PAN3: variants seen among roughly 807,000 people sequenced by gnomAD.
PAN3 encodes the protein PAN2-PAN3 deadenylation complex subunit PAN3.
PAN3 carries 19 observed loss-of-function variants against 96.2 expected under a neutral mutation model. The observed-to-expected ratio is 0.20, with a 90% CI of 0.14 to 0.29. PAN3 has a LOEUF of 0.29. Among genes scored for constraint, PAN3 ranks in the 10% least tolerant of loss-of-function variants. The probability of loss-of-function intolerance (pLI) is 1.00; values close to 1 mark genes in which losing one functional copy is unlikely to be tolerated. For missense variants in PAN3, 882 were observed against 1,108.1 expected, an observed-to-expected ratio of 0.80 and a Z score of 2.90; for synonymous variants, 433 against 406.6, an observed-to-expected ratio of 1.06 and a Z score of -0.78.
At chr13:28,142,619 C>T (rs907822441) in intron 1 of PAN3, among the ~76,000 whole-genome samples, 6 of 151,244 alleles carry the variant, frequency 4.0e-5, no homozygotes, top group African/African-American at 9.8e-5. Flanking sequence ...TTGCCCAGGC[C>T]GGTCTCAAAC....
chr13:28,226,954 C>T (rs933012938), intron 6 of PAN3, among the ~76,000 whole-genome samples: 20 of 152,160 alleles, frequency 1.3e-4, no homozygotes, highest in African/African-American at 4.1e-4. Flanking sequence ...AAATTAACAA[C>T]TATTTTATGA....
chr13:28,204,446 A>T (rs1879112428), intron 5 of PAN3, among the ~76,000 whole-genome samples: 1 of 152,216 alleles, frequency 6.6e-6, no homozygotes, highest in South Asian at 2.1e-4. Flanking sequence ...GATATTAAAT[A>T]AATGTCCATT....
intron 4 of PAN3, among the ~76,000 whole-genome samples, chr13:28,184,056 A>G (rs1290439501): frequency 6.6e-6 from 1 of 152,068 alleles, no homozygotes; most frequent in Non-Finnish European, 1.5e-5. Flanking sequence ...CTTTTCTTTG[A>G]GATGTTCAGG....
intron 1 of PAN3, among the ~76,000 whole-genome samples, chr13:28,153,904 AT>A (rs1358217592): frequency 6.6e-6 from 1 of 152,176 alleles, no homozygotes; most frequent in Admixed American, 6.5e-5. Flanking sequence ...TAGAAATAAA[AT>A]TTTCTCTCTG....
chr13:28,250,462 T>C (rs748373875), intron 6 of PAN3, among the ~76,000 whole-genome samples: 1 of 152,106 alleles, frequency 6.6e-6, no homozygotes, highest in Non-Finnish European at 1.5e-5. Context: ...GCCTCCCTGG[T>C]TCAAGTGATT....
intron 6 of PAN3, among the ~76,000 whole-genome samples, chr13:28,222,508 A>T (rs1261393749): frequency 6.6e-6 from 1 of 152,154 alleles, no homozygotes; most frequent in Admixed American, 6.5e-5. Context: ...CTCAGTTAAA[A>T]TATTTTTCAA....
In PAN3 at chr13:28,267,055, G is replaced by A. The variant is rs1258184085; in HGVS notation, c.1574-40G>A. The A allele has an allele frequency of 3.0e-5, 45 of 1,515,400 alleles. 1 individual carries two copies. The Admixed American group carries it at 6.5e-4, about 22-fold the overall frequency. 93.9% of individuals were successfully genotyped at this position (1,515,400 alleles called of 1,614,324 possible). On this transcript the variant is annotated intron_variant, in intron 10 of 18. Transcript: ENST00000380958. ...ATTTCTGATGGAATATGAAGGAGACGTCAATTAGAGTTTACTGGAGTAGAA... is the reference window on the plus strand; with the variant it reads ...ATTTCTGATGGAATATGAAGGAGACATCAATTAGAGTTTACTGGAGTAGAA...
intron 6 of PAN3, among the ~76,000 whole-genome samples, chr13:28,220,840 A>G (rs2138379907): frequency 6.6e-6 from 1 of 152,322 alleles, no homozygotes; most frequent in South Asian, 2.1e-4. Flanking sequence ...TATAAATGCT[A>G]TAGTAGTAAT....
At chr13:28,272,854 C>T (rs1886745125) in intron 14 of PAN3, among the ~76,000 whole-genome samples, 2 of 152,156 alleles carry the variant, frequency 1.3e-5, no homozygotes, top group South Asian at 4.1e-4. Flanking sequence ...CAGGCATGAG[C>T]CACTGTGCCC....
At position 28,280,499 on chromosome 13, in the gene PAN3, T is replaced by C; in HGVS notation, c.2277T>C (p.Ala759=). The C allele has an allele frequency of 6.2e-7, 1 of 1,613,438 alleles. No individual in the cohort carries two copies. Among genetic ancestry groups the C allele is most frequent in the Non-Finnish European group, 8.5e-7 (1 of 1,179,844 alleles). The change falls in exon 16 of 19, where the codon GCT becomes GCC. Residue 759 remains alanine, a synonymous_variant. Transcript: ENST00000380958. ...CTCGATTTTATACTCAATTGGATGCTGCTCAAATGAGAAATGATGTCATAG... is the reference window on the plus strand; with the variant it reads ...CTCGATTTTATACTCAATTGGATGCCGCTCAAATGAGAAATGATGTCATAG... The part of the protein sequence containing the change: ...IGARFYTQLD[A]AQMRNDVIEE...
In PAN3 at chr13:28,256,345, C is replaced by T; in HGVS notation, c.1054C>T (p.His352Tyr). 6.2e-7 allele frequency: 1 copy of T among 1,613,594 alleles called. No individual in the cohort carries two copies. The highest frequency in any genetic ancestry group is 8.5e-7 in the Non-Finnish European group (1 of 1,179,488). The change falls in exon 7 of 19, where the codon CAT (histidine) becomes TAT (tyrosine). Residue 352 changes from histidine (H) to tyrosine (Y), a missense_variant. By Grantham distance (83) the His-to-Tyr change is moderately conservative. Around this residue, in one of 3 missense-constraint regions of PAN3, gnomAD observed 364 missense variants for 513.6 expected, o/e 0.71. Transcript: ENST00000380958. The part of the protein sequence containing the change: ...SPLHSPKITP[H>Y]TSPAPRRRSH... ...TCTTCATTCCCCCAAGATTACTCCA[C>T]ATACTTCTCCTGCTCCCAGAAGAAG...
intron 5 of PAN3, among the ~76,000 whole-genome samples, chr13:28,198,292 A>C (rs1311247741): frequency 6.6e-6 from 1 of 151,686 alleles, no homozygotes; most frequent in Non-Finnish European, 1.5e-5. Flanking sequence ...TCTGTCTCAA[A>C]AAAAAAAAAA....
At position 28,293,427 on chromosome 13, in the gene PAN3, G is replaced by A. The variant is rs1593654592; in HGVS notation, c.*905G>A. The A allele has an allele frequency of 8.4e-6, 1 of 118,696 alleles. No homozygotes were observed. Among genetic ancestry groups the A allele is most frequent in the Non-Finnish European group, 1.7e-5 (1 of 59,084 alleles). 7.4% of individuals were successfully genotyped at this position (118,696 alleles called of 1,614,324 possible). A position where few individuals can be genotyped will look rare whatever the true frequency, so the allele number is the denominator to read the frequency against. ...TTTTTTTTTTTTTTTGGGCGGGGGGGAGGTTTATGAAGTTTTGCTCTTTGA... is the reference window on the plus strand; with the variant it reads ...TTTTTTTTTTTTTTTGGGCGGGGGGAAGGTTTATGAAGTTTTGCTCTTTGA... On this transcript the variant is annotated 3_prime_UTR_variant, in exon 19 of 19. Transcript: ENST00000380958.
chr13:28,203,721 T>C (rs1879016535), intron 5 of PAN3, among the ~76,000 whole-genome samples: 1 of 152,204 alleles, frequency 6.6e-6, no homozygotes. Context: ...TGCTATTTTT[T>C]AATCTTTTAA....
In PAN3 at chr13:28,158,959, G is replaced by T. The variant is rs556332410; in HGVS notation, c.431-15313G>T. ...CACATTGAGATACCATCTCATACCAGTCAGAATGATTATTATTAAAAAATA... is the reference window on the plus strand; with the variant it reads ...CACATTGAGATACCATCTCATACCATTCAGAATGATTATTATTAAAAAATA... On this transcript the variant is annotated intron_variant, in intron 1 of 18. Transcript: ENST00000380958. 2.2e-4 allele frequency among the ~76,000 whole-genome samples: 34 copies of T among 151,700 alleles called. No individual in the cohort carries two copies. The South Asian group carries it at 6.5e-3, about 29-fold the overall frequency.
At chr13:28,181,696 C>G (rs1184918239) in intron 4 of PAN3, among the ~76,000 whole-genome samples, 1 of 152,088 alleles carries the variant, frequency 6.6e-6, no homozygotes, top group African/African-American at 2.4e-5. Flanking sequence ...TGTGAATTGT[C>G]TGTTAGGAGA....
intron 4 of PAN3, among the ~76,000 whole-genome samples, chr13:28,189,380 G>T (rs1338315044): frequency 1.3e-5 from 2 of 152,140 alleles, no homozygotes; most frequent in African/African-American, 2.4e-5. Context: ...GCCAGATGTG[G>T]TGGTGGGTGC....
chr13:28,211,551 A>C (rs1255749589), intron 5 of PAN3, among the ~76,000 whole-genome samples: 1 of 152,218 alleles, frequency 6.6e-6, no homozygotes, highest in Non-Finnish European at 1.5e-5. Context: ...TGAATTGCTC[A>C]CAAGTTATTT....
At chr13:28,239,162 A>ACAC (rs145212573) in intron 6 of PAN3, among the ~76,000 whole-genome samples, 4 of 76,776 alleles carry the variant, frequency 5.2e-5, no homozygotes, top group African/African-American at 1.0e-4. Context: ...CACCCCCGCC[A>ACAC]ACACACACAC....
Sources: allele counts gnomAD v4.1 joint callset (sites outside exome capture counted in the v4.1 genomes callset), GRCh38; gene constraint gnomAD v4.1.1; regional missense constraint gnomAD v4.1.1; transcripts MANE v1.5; gene names NCBI Gene and HGNC (gene_info 2026-07-23, HGNC 2026-07-21).